Variants in ERMAP observed in about 807,000 individuals in gnomAD.
ERMAP encodes erythroid membrane-associated protein.
A neutral mutation model predicts 49.5 loss-of-function variants in ERMAP; 34 were observed. The ratio of observed to expected loss-of-function variants is 0.69; its 90% CI spans 0.52 to 0.91. The LOEUF is 0.91. Ranked by LOEUF, ERMAP falls within the 40% of genes least tolerant of loss-of-function variation. The pLI is 0.00. For synonymous variants in ERMAP, 214 were observed against 232.2 expected (o/e 0.92, Z 0.71); for missense variants, 541 against 582.6 (o/e 0.93, Z 0.74).
chr1:42,826,064 A>G (rs1188626593), intron 2 of ERMAP, among the ~76,000 whole-genome samples: 1 of 152,222 alleles, frequency 6.6e-6, no homozygotes, highest in Non-Finnish European at 1.5e-5. Context: ...GTCATATTAA[A>G]CTGCTTGGGA....
In ERMAP at chr1:42,842,402, T is replaced by C. The variant is rs573708003; in HGVS notation, c.713-115T>C. 1.8e-5 allele frequency: 16 copies of C among 885,362 alleles called. No homozygotes were observed. In the East Asian group the frequency reaches 2.9e-4, roughly 16 times the overall value. 54.8% of individuals were successfully genotyped at this position (885,362 alleles called of 1,614,324 possible). ...ATGGTGGGGGCGGGAATCCATGAACTAAAATGGGCTAATGACAGTGATGGC... is the reference window on the plus strand; with the variant it reads ...ATGGTGGGGGCGGGAATCCATGAACCAAAATGGGCTAATGACAGTGATGGC... On this transcript the variant is annotated intron_variant, in intron 11 of 11. Transcript: ENST00000372517.
rs1233568928 is a variant in ERMAP at position 42,831,041 on chromosome 1, A to G, written c.359A>G (p.Asp120Gly). 3.1e-6 allele frequency: 5 copies of G among 1,614,212 alleles called. No individual in the cohort carries two copies. The highest frequency in any genetic ancestry group is 2.2e-5 in the South Asian group (2 of 91,086). ...CAGATCCTTGACGTGCGCCTTGAGG[A>G]CCAAGGGTCTTACCGATGTCTGATC... is the stretch of plus-strand genomic sequence containing the variant. ...TLQILDVRLEDQGSYRCLIQV... is the reference protein window; with the variant it reads ...TLQILDVRLEGQGSYRCLIQV... Residue 120 changes from aspartate (D) to glycine (G), a missense_variant, in exon 4 of 12, where the codon GAC becomes GGC. Asp to Gly is a moderately conservative substitution (Grantham distance 94). Coordinates refer to ENST00000372517, the MANE Select transcript of ERMAP (RefSeq NM_001017922.2).
rs906701563 is a variant in ERMAP at position 42,817,161 on chromosome 1, C to A, written c.-214C>A. On this transcript the variant is annotated 5_prime_UTR_variant, in exon 1 of 12. Transcript: ENST00000372517. ...GGAGGAAAATGGCGGTCGCTGGAGC[C>A]GCCGACCAAGAGGCTTGGGAGTCTG... is the stretch of plus-strand genomic sequence containing the variant. The A allele has an allele frequency of 1.5e-5, 18 of 1,204,382 alleles. No individual in the cohort carries two copies. In the African/African-American group the frequency reaches 2.8e-4, roughly 19 times the overall value. The allele number at this position is 1,204,382 out of a possible 1,614,324, so 74.6% of individuals were successfully genotyped here.
At chr1:42,840,442 A>C in intron 11 of ERMAP, 146 bp downstream of exon 11, 1 of 951,268 alleles carries the variant, frequency 1.1e-6, no homozygotes, top group Non-Finnish European at 1.6e-6. Flanking sequence ...TCAAATTAAA[A>C]AAATCTTTGT....
intron 2 of ERMAP, among the ~76,000 whole-genome samples, chr1:42,828,113 G>C (rs975573036): frequency 4.0e-5 from 6 of 151,330 alleles, no homozygotes; most frequent in African/African-American, 1.2e-4. Flanking sequence ...TGTTAGAAGA[G>C]ATGGAGGAAG....
chr1:42,842,644 C>T lies in ERMAP; in HGVS notation c.840C>T (p.Val280=), dbSNP rs1274868599. The T allele has an allele frequency of 1.2e-6, 2 of 1,614,184 alleles. No homozygotes were observed. The highest frequency in any genetic ancestry group is 2.2e-5 in the South Asian group (2 of 91,070). The change falls in exon 12 of 12, where the codon GTC becomes GTT. Residue 280 remains valine, a synonymous_variant. Transcript: ENST00000372517. ...ACCCCCAGAGATTTGATTTCGTTGT[C>T]AGCATCCTAGGCTCTGAGTACTTCA... The part of the protein sequence containing the change: ...PDNPQRFDFV[V]SILGSEYFTT...
chr1:42,829,093 C>G (rs1654638839), intron 2 of ERMAP, among the ~76,000 whole-genome samples: 1 of 152,094 alleles, frequency 6.6e-6, no homozygotes, highest in South Asian at 2.1e-4. Flanking sequence ...AGCTAGTAAC[C>G]TATAGGAAAG....
At chr1:42,832,745 T>C (rs932842317) in intron 4 of ERMAP, among the ~76,000 whole-genome samples, 6 of 152,186 alleles carry the variant, frequency 3.9e-5, no homozygotes, top group Admixed American at 3.9e-4. Flanking sequence ...ATGGGTGAAT[T>C]TTTAAATGTC....
At position 42,844,374 on chromosome 1, in the gene ERMAP, C is replaced by T. The variant is rs1655154645; in HGVS notation, c.*1142C>T. Reference sequence around the variant, plus strand: ...TCAGTTTGCAGATGAATACACAGTTCTATCCAACAGAAACTGTATCTTTCT... The same window carrying T: ...TCAGTTTGCAGATGAATACACAGTTTTATCCAACAGAAACTGTATCTTTCT... On this transcript the variant is annotated 3_prime_UTR_variant, in exon 12 of 12. Coordinates refer to ENST00000372517, the MANE Select transcript of ERMAP (RefSeq NM_001017922.2). The surrounding 1 kb of genome is among the most constrained non-coding windows in gnomAD (Gnocchi z 4.0). 1 of 362,580 alleles carries T rather than the reference C, an allele frequency of 2.8e-6. No individual in the cohort carries two copies. The highest frequency in any genetic ancestry group is 4.9e-6 in the Non-Finnish European group (1 of 204,184). The allele number at this position is 362,580 out of a possible 1,614,324, so 22.5% of individuals were successfully genotyped here.
At chr1:42,822,802 T>G (rs1234869064) in intron 1 of ERMAP, among the ~76,000 whole-genome samples, 1 of 152,222 alleles carries the variant, frequency 6.6e-6, no homozygotes, top group Non-Finnish European at 1.5e-5. Flanking sequence ...ACCTCTGTTC[T>G]GCTTTTCACT....
chr1:42,827,414 A>G (rs1281267330), intron 2 of ERMAP, among the ~76,000 whole-genome samples: 4 of 152,184 alleles, frequency 2.6e-5, no homozygotes, highest in Admixed American at 1.3e-4. Flanking sequence ...GGCTCAAGCA[A>G]TCTTCCCACC....
chr1:42,830,457 G>C lies in ERMAP; in HGVS notation c.9G>C (p.Met3Ile), dbSNP rs758314322. 3 of 1,614,154 alleles carry C rather than the reference G, an allele frequency of 1.9e-6. No homozygotes were observed. The highest frequency in any genetic ancestry group is 2.5e-6 in the Non-Finnish European group (3 of 1,180,010). The change falls in exon 3 of 12, where the codon ATG becomes ATC. Residue 3 changes from methionine (M) to isoleucine (I), a missense_variant. Coordinates refer to ENST00000372517, the MANE Select transcript of ERMAP (RefSeq NM_001017922.2). ...TGTCTGTCCTAGTTCGGATGGAGAT[G>C]GCGAGTTCTGCTGGCTCCTGGCTCT... is the stretch of plus-strand genomic sequence containing the variant. ME[M>I]ASSAGSWLSG...
At position 42,842,726 on chromosome 1, in the gene ERMAP, G is replaced by A; in HGVS notation, c.922G>A (p.Gly308Arg). 1.2e-6 allele frequency: 2 copies of A among 1,614,170 alleles called. No homozygotes were observed. Among genetic ancestry groups the A allele is most frequent in the Admixed American group, 1.7e-5 (1 of 60,028 alleles). ...GGGAGACAAGACCAAATGGATTCTT[G>A]GAGTATGTAGTGAGTCAGTGAGCAG... ...YVGDKTKWIL[G>R]VCSESVSRKG... is the part of the protein sequence containing the mutation. The change falls in exon 12 of 12, where the codon GGA becomes AGA. Residue 308 changes from glycine to arginine, a missense_variant. Transcript: ENST00000372517.
At chr1:42,831,549 G>A (rs1244091849) in intron 4 of ERMAP, among the ~76,000 whole-genome samples, 2 of 133,180 alleles carry the variant, frequency 1.5e-5, no homozygotes, top group African/African-American at 2.8e-5. Context: ...GGAAGGGAGA[G>A]ATAGTGTTTT....
At chr1:42,822,140 A>G (rs902795746) in intron 1 of ERMAP, among the ~76,000 whole-genome samples, 2 of 151,818 alleles carry the variant, frequency 1.3e-5, no homozygotes, top group Non-Finnish European at 2.9e-5. Context: ...CAAAAATATT[A>G]CTGAGTAGCA....
chr1:42,826,493 G>A (rs1654555576), intron 2 of ERMAP, among the ~76,000 whole-genome samples: 1 of 152,122 alleles, frequency 6.6e-6, no homozygotes, highest in South Asian at 2.1e-4. Flanking sequence ...ATTTGTCAGT[G>A]CAGATGAAAA....
chr1:42,830,351 A>G, intron 2 of ERMAP, 93 bp from the exon 3 acceptor site: 1 of 1,088,202 alleles, frequency 9.2e-7, no homozygotes, highest in South Asian at 1.3e-5. Context: ...CCAGAGCACC[A>G]GCAATACCGT....
intron 4 of ERMAP, among the ~76,000 whole-genome samples, chr1:42,831,578 T>TCTCTCTC (rs11440061): frequency 1.3e-5 from 1 of 79,526 alleles, no homozygotes; most frequent in African/African-American, 4.2e-5. Context: ...TTTTTCTCTT[T>TCTCTCTC]TTTTTTTTTT....
rs1405486927 is a variant in ERMAP at position 42,827,262 on chromosome 1, T to A, written c.-6+1524T>A. Among the ~76,000 whole-genome samples the A allele has an allele frequency of 2.0e-5, 3 of 152,316 alleles. No homozygotes were observed. In the South Asian group the frequency reaches 6.2e-4, roughly 32 times the overall value. ...ATGGCTCACTGCAGCCTTAACCTCC[T>A]GGGCTCAGGTAATCCTCCTACCTCA... is the stretch of plus-strand genomic sequence containing the variant. On this transcript the variant is annotated intron_variant, in intron 2 of 11. Transcript: ENST00000372517.
Sources: gnomAD v4.1 joint callset for allele counts (sites outside exome capture counted in the v4.1 genomes callset) on GRCh38, gnomAD v4.1.1 for gene constraint, Gnocchi (gnomAD v3.1) non-coding constraint, MANE v1.5 for transcripts, NCBI Gene and HGNC (gene_info 2026-07-23, HGNC 2026-07-21) for gene names.